KCNJ12: variants seen among roughly 807,000 people sequenced by gnomAD.
KCNJ12 encodes potassium inwardly rectifying channel subfamily J member 12, also known as ATP-sensitive inward rectifier potassium channel 12.
Under a neutral mutation model 22.3 loss-of-function variants are expected in KCNJ12, and 2 were observed. The ratio of observed to expected loss-of-function variants is 0.09; its 90% CI spans 0.04 to 0.28. KCNJ12 has a LOEUF of 0.28. Among genes scored for constraint, KCNJ12 ranks in the 10% least tolerant of loss-of-function variants. The pLI, the probability that KCNJ12 is intolerant of heterozygous loss-of-function variation, is 1.00. For synonymous variants in KCNJ12, 117 were observed against 261.4 expected (o/e 0.45, Z 5.33); for missense variants, 155 against 633.3 (o/e 0.24, Z 8.11).
At chr17:21,393,632 G>T (rs1905262583) in intron 1 of KCNJ12, among the ~76,000 whole-genome samples, 1 of 152,328 alleles carries the variant, frequency 6.6e-6, no homozygotes, top group Admixed American at 6.5e-5. Flanking sequence ...GAGTCCTGGG[G>T]CTCCACCTCA....
At chr17:21,403,177 T>C (rs1450139571) in intron 1 of KCNJ12, among the ~76,000 whole-genome samples, 455 of 152,248 alleles carry the variant, frequency 3.0e-3, no homozygotes, top group African/African-American at 0.01. Flanking sequence ...AGGCATTTCA[T>C]GGTGAGGGGC....
chr17:21,414,547 G>T (rs1176910553), intron 2 of KCNJ12, among the ~76,000 whole-genome samples: 1 of 152,298 alleles, frequency 6.6e-6, no homozygotes, highest in Admixed American at 6.5e-5. Context: ...TCAGGGTGGG[G>T]TTGATGGTTG....
intron 1 of KCNJ12, among the ~76,000 whole-genome samples, chr17:21,402,119 G>A (rs1304245850): frequency 3.3e-5 from 5 of 152,292 alleles, no homozygotes; most frequent in African/African-American, 1.2e-4. Context: ...TGCTGTCCCT[G>A]CCTCCCTTTC....
chr17:21,415,068 G>A (rs1906617225), intron 2 of KCNJ12, among the ~76,000 whole-genome samples: 1 of 152,306 alleles, frequency 6.6e-6, no homozygotes, highest in Non-Finnish European at 1.5e-5. Context: ...GGAGTGAGGT[G>A]TGGAGCTGAG....
intron 2 of KCNJ12, among the ~76,000 whole-genome samples, chr17:21,411,234 C>T (rs1187253780): frequency 6.6e-6 from 1 of 152,300 alleles, no homozygotes; most frequent in Non-Finnish European, 1.5e-5. Context: ...ACTCCTGGAC[C>T]CCACCCTTAG....
intron 1 of KCNJ12, among the ~76,000 whole-genome samples, chr17:21,377,996 C>T (rs1904725567): frequency 6.6e-6 from 1 of 152,258 alleles, no homozygotes. Context: ...CCTCCTGGCT[C>T]CCACATCTGC....
intron 1 of KCNJ12, among the ~76,000 whole-genome samples, chr17:21,400,278 A>T (rs1597568305): frequency 6.6e-6 from 1 of 152,178 alleles, no homozygotes; most frequent in African/African-American, 2.4e-5. Flanking sequence ...TTCAGAGCTC[A>T]TTTCCCTGCC....
chr17:21,387,955 GTC>G (rs1284097688), intron 1 of KCNJ12, among the ~76,000 whole-genome samples: 1 of 152,122 alleles, frequency 6.6e-6, no homozygotes, highest in Non-Finnish European at 1.5e-5. Flanking sequence ...CCTTGACAGA[GTC>G]TGTGTGCACT....
At chr17:21,391,279 T>TC (rs1476295984) in intron 1 of KCNJ12, among the ~76,000 whole-genome samples, 1 of 152,218 alleles carries the variant, frequency 6.6e-6, no homozygotes, top group African/African-American at 2.4e-5. Context: ...GATGCCGGTT[T>TC]CCAGATCTCT....
chr17:21,382,960 T>C (rs782572389), intron 1 of KCNJ12, among the ~76,000 whole-genome samples: 5 of 151,058 alleles, frequency 3.3e-5, no homozygotes, highest in Admixed American at 6.6e-5. Flanking sequence ...CCAGAGAGGG[T>C]CCCCACAGCC....
chr17:21,415,206 T>A, intron 2 of KCNJ12, 81 bp from the exon 3 acceptor site: 3 of 1,405,484 alleles, frequency 2.1e-6, no homozygotes, highest in Non-Finnish European at 2.9e-6. Context: ...CGTCCTCCAG[T>A]CACGTCTGGG....
At chr17:21,387,289 A>C (rs1905098682) in intron 1 of KCNJ12, among the ~76,000 whole-genome samples, 3 of 144,462 alleles carry the variant, frequency 2.1e-5, no homozygotes, top group African/African-American at 7.8e-5. Flanking sequence ...GAAAATACAA[A>C]AAATTAGCCG....
At position 21,408,743 on chromosome 17, in the gene KCNJ12, C is replaced by T. The variant is rs1237368708; in HGVS notation, c.-57+103C>T. 4 of 152,244 alleles carry T rather than the reference C, an allele frequency of 2.6e-5. No homozygotes were observed. In the East Asian group the frequency reaches 7.7e-4, roughly 29 times the overall value. 9.4% of individuals were successfully genotyped at this position (152,244 alleles called of 1,614,324 possible). On this transcript the variant is annotated intron_variant, in intron 2 of 2. Transcript: ENST00000583088. ...CCCTCCACCCACCATGCCATCCTTT[C>T]ATCACCCATTCCCCCACCCATTTAT...
intron 1 of KCNJ12, among the ~76,000 whole-genome samples, chr17:21,385,254 C>G (rs1905035867): frequency 6.6e-6 from 1 of 152,214 alleles, no homozygotes. Context: ...TGGTCACTCT[C>G]AGTATCTGTC....
Position 21,415,753 on chromosome 17 carries a change from C to T in KCNJ12, c.411C>T (p.Ser137=), listed in dbSNP as rs782475519. ...GCTTCATGGCGGCCTTCCTCTTCTC[C>T]ATCGAGACGCAGACCACCATCGGCT... ...VHGFMAAFLF[S]IETQTTIGYG... Residue 137 remains serine (S), a synonymous_variant, in exon 3 of 3, where the codon TCC becomes TCT. Coordinates refer to ENST00000583088, the MANE Select transcript of KCNJ12 (RefSeq NM_021012.5). 1 of 1,613,018 alleles carries T rather than the reference C, an allele frequency of 6.2e-7. No individual in the cohort carries two copies. Among genetic ancestry groups the T allele is most frequent in the South Asian group, 1.1e-5 (1 of 91,044 alleles).
chr17:21,391,699 C>T (rs1386720374), intron 1 of KCNJ12, among the ~76,000 whole-genome samples: 1 of 152,244 alleles, frequency 6.6e-6, no homozygotes, highest in Non-Finnish European at 1.5e-5. Context: ...ATGTCTAGCC[C>T]AGGCCTTTCT....
chr17:21,400,011 C>T (rs1432846532), intron 1 of KCNJ12, among the ~76,000 whole-genome samples: 1 of 152,190 alleles, frequency 6.6e-6, no homozygotes, highest in Non-Finnish European at 1.5e-5. Flanking sequence ...GGGGTCAGAA[C>T]AGCCTCTGTG....
intron 2 of KCNJ12, 44 bp from the exon 3 acceptor site, chr17:21,415,243 C>T (rs58462457): frequency 1.5e-4 from 232 of 1,526,180 alleles, no homozygotes; most frequent in South Asian, 1.5e-3. Context: ...TAGAGGAGCC[C>T]GGAGCCACCA....
chr17:21,413,545 C>T (rs1339118899), intron 2 of KCNJ12, among the ~76,000 whole-genome samples: 6 of 142,812 alleles, frequency 4.2e-5, no homozygotes, highest in Admixed American at 6.9e-5. Flanking sequence ...CCAGCTCCTC[C>T]GTCGGGGCTA....
Sources: gnomAD v4.1 joint callset for allele counts (sites outside exome capture counted in the v4.1 genomes callset) on GRCh38, gnomAD v4.1.1 for gene constraint, MANE v1.5 for transcripts, NCBI Gene and HGNC (gene_info 2026-07-23, HGNC 2026-07-21) for gene names.